AGBL1: variants seen among roughly 807,000 people sequenced by gnomAD.
The protein encoded by AGBL1 is cytosolic carboxypeptidase 4.
A neutral mutation model predicts 118.9 loss-of-function variants in AGBL1; 130 were observed. That is an observed-to-expected ratio of 1.09 (90% CI 0.95 to 1.26). AGBL1 has a LOEUF of 1.26. Ranked by LOEUF, AGBL1 falls within the 50% of genes most tolerant of loss-of-function variation. AGBL1 has a pLI of 0.00. For synonymous variants in AGBL1, 555 were observed against 478.9 expected, an observed-to-expected ratio of 1.16 and a Z score of -2.08; for missense variants, 1,584 against 1,298.1, an observed-to-expected ratio of 1.22 and a Z score of -3.38.
chr15:86,511,895 A>C (rs1402000377), intron 18 of AGBL1, among the ~76,000 whole-genome samples: 1 of 152,044 alleles, frequency 6.6e-6, no homozygotes, highest in Non-Finnish European at 1.5e-5. Context: ...TTCATTTTAC[A>C]TTACAGACAT....
chr15:86,703,550 T>C (rs1281548432), intron 22 of AGBL1, among the ~76,000 whole-genome samples: 1 of 152,184 alleles, frequency 6.6e-6, no homozygotes, highest in Non-Finnish European at 1.5e-5. Flanking sequence ...TGACTGTTTT[T>C]CTGTTACGGT....
chr15:86,433,195 G>T (rs998543795), intron 18 of AGBL1, among the ~76,000 whole-genome samples: 1 of 147,764 alleles, frequency 6.8e-6, no homozygotes, highest in Non-Finnish European at 1.5e-5. Flanking sequence ...CCTAGAAGAA[G>T]ATGAAGCTCC....
intron 23 of AGBL1, among the ~76,000 whole-genome samples, chr15:86,979,174 G>T (rs1304116519): frequency 2.0e-5 from 3 of 152,148 alleles, no homozygotes; most frequent in Non-Finnish European, 4.4e-5. Flanking sequence ...TTATTAAAAT[G>T]CTAAAAATGT....
intron 21 of AGBL1, among the ~76,000 whole-genome samples, chr15:86,660,454 A>G (rs2085520868): frequency 6.6e-6 from 1 of 152,146 alleles, no homozygotes; most frequent in South Asian, 2.1e-4. Context: ...CTCTCTTCAA[A>G]TCTACTTACA....
At chr15:86,900,417 G>A (rs1022313814) in intron 22 of AGBL1, among the ~76,000 whole-genome samples, 20 of 152,002 alleles carry the variant, frequency 1.3e-4, no homozygotes, top group African/African-American at 4.6e-4. Context: ...AGAATGCTTA[G>A]TAATTTTCAG....
At chr15:86,163,458 T>C (rs1316002391) in intron 5 of AGBL1, among the ~76,000 whole-genome samples, 1 of 152,174 alleles carries the variant, frequency 6.6e-6, no homozygotes, top group Admixed American at 6.5e-5. Context: ...CTGGGTATTG[T>C]GGCTCATGCC....
chr15:86,515,468 G>A (rs1567034828), intron 18 of AGBL1, among the ~76,000 whole-genome samples: 1 of 151,790 alleles, frequency 6.6e-6, no homozygotes, highest in Admixed American at 6.6e-5. Context: ...ATTTTTCAAA[G>A]GTTTCTATTT....
chr15:86,728,869 C>T (rs1234908442), intron 22 of AGBL1, among the ~76,000 whole-genome samples: 3 of 152,128 alleles, frequency 2.0e-5, no homozygotes, highest in African/African-American at 7.2e-5. Flanking sequence ...CTAACCTGCA[C>T]ATCCAGATTT....
chr15:86,749,496 C>T (rs932262415), intron 22 of AGBL1, among the ~76,000 whole-genome samples: 2 of 151,846 alleles, frequency 1.3e-5, no homozygotes, highest in South Asian at 2.1e-4. Context: ...ATTGAATACC[C>T]TTTATTTCCT....
intron 21 of AGBL1, among the ~76,000 whole-genome samples, chr15:86,617,422 G>A (rs1056923626): frequency 6.6e-6 from 1 of 152,256 alleles, no homozygotes; most frequent in Admixed American, 6.5e-5. Flanking sequence ...AAGTCAGAAT[G>A]ATTTACATTA....
At chr15:86,388,018 A>G (rs1284541286) in intron 17 of AGBL1, among the ~76,000 whole-genome samples, 1 of 152,114 alleles carries the variant, frequency 6.6e-6, no homozygotes, top group Non-Finnish European at 1.5e-5. Context: ...AAGAAGAACA[A>G]TTTCTGGTGA....
intron 21 of AGBL1, among the ~76,000 whole-genome samples, chr15:86,623,245 C>T (rs117765130): frequency 0.01 from 1,335 of 130,406 alleles, 13 homozygotes; most frequent in Non-Finnish European, 0.015. Context: ...GGTATGGGGA[C>T]GGGTTTGGAG....
At chr15:86,536,326 T>A (rs2083425580) in intron 19 of AGBL1, among the ~76,000 whole-genome samples, 1 of 152,192 alleles carries the variant, frequency 6.6e-6, no homozygotes, top group Non-Finnish European at 1.5e-5. Context: ...TTGTTTGTTT[T>A]TTTGAGATGG....
intron 18 of AGBL1, among the ~76,000 whole-genome samples, chr15:86,422,510 C>T (rs148857401): frequency 1.6e-3 from 239 of 152,060 alleles, no homozygotes; most frequent in African/African-American, 5.4e-3. Context: ...GATCTAAAAT[C>T]GACAAGCTAA....
At chr15:86,749,102 A>G (rs556930729) in intron 22 of AGBL1, among the ~76,000 whole-genome samples, 17 of 152,154 alleles carry the variant, frequency 1.1e-4, no homozygotes, top group African/African-American at 3.1e-4. Context: ...ACCTTGGGCA[A>G]TATGGCCATT....
chr15:86,123,552 G>A (rs568579809), intron 1 of AGBL1, among the ~76,000 whole-genome samples: 2 of 152,252 alleles, frequency 1.3e-5, no homozygotes, highest in African/African-American at 4.8e-5. Flanking sequence ...GGACCCCTTT[G>A]TCTTAACTAA....
intron 3 of AGBL1, among the ~76,000 whole-genome samples, chr15:86,150,847 C>A (rs889893380): frequency 4.6e-5 from 7 of 152,094 alleles, no homozygotes; most frequent in African/African-American, 1.7e-4. Flanking sequence ...CCCTGATGAA[C>A]ATTGATGCAA....
rs567411193 is a variant in AGBL1, at chr15:86,716,290, CT to C, written c.3158+41865del. 3.8e-3 allele frequency among the ~76,000 whole-genome samples: 555 copies of C among 145,790 alleles called. 2 individuals carry two copies. Among genetic ancestry groups the C allele is most frequent in the African/African-American group, 0.01 (409 of 39,990 alleles). On this transcript the variant is annotated intron_variant, in intron 22 of 22. Transcript: ENST00000614907. ...TGACTGCTAAATACTCAACCCAGTC[CT>C]TTTTTTTTTTAAGTTAGCATTGCTG... is the stretch of plus-strand genomic sequence containing the variant.
intron 17 of AGBL1, among the ~76,000 whole-genome samples, chr15:86,372,952 T>C (rs769748189): frequency 1.3e-5 from 2 of 152,152 alleles, no homozygotes; most frequent in African/African-American, 2.4e-5. Flanking sequence ...AGAGTAAATT[T>C]TAAAGTGCTG....
Sources: allele counts gnomAD v4.1 joint callset (sites outside exome capture counted in the v4.1 genomes callset), GRCh38; gene constraint gnomAD v4.1.1; transcripts MANE v1.5; gene names NCBI Gene and HGNC (gene_info 2026-07-23, HGNC 2026-07-21).